Variants in SNX6 observed in about 807,000 individuals in gnomAD.
SNX6 encodes the protein sorting nexin-6.
In SNX6, 34 loss-of-function variants were observed where a neutral mutation model predicts 63.0. The observed-to-expected ratio is 0.54, with a 90% CI of 0.41 to 0.72. The LOEUF (loss-of-function observed/expected upper bound fraction) is 0.72. Among genes scored for constraint, SNX6 ranks in the 30% least tolerant of loss-of-function variants. SNX6 has a pLI of 0.00. For synonymous variants in SNX6, 170 were observed against 164.2 expected (o/e 1.04, Z -0.27); for missense variants, 398 against 471.4 (o/e 0.84, Z 1.44).
At chr14:34,582,956 A>G (rs1260913049) in intron 9 of SNX6, among the ~76,000 whole-genome samples, 1 of 152,060 alleles carries the variant, frequency 6.6e-6, no homozygotes, top group Non-Finnish European at 1.5e-5. Context: ...TCTACTAAAA[A>G]TACAAAAAAT....
chr14:34,569,141 G>A (rs1594692578), intron 11 of SNX6: 2 of 812,048 alleles, frequency 2.5e-6, no homozygotes, highest in East Asian at 2.4e-5. Flanking sequence ...ATGCGGCCCG[G>A]CCTGTGCACT....
At chr14:34,601,219 CTTTTTTTTTTTTTT>C (rs77009422) in intron 6 of SNX6, among the ~76,000 whole-genome samples, 5 of 142,530 alleles carry the variant, frequency 3.5e-5, no homozygotes, top group African/African-American at 8.0e-5. Context: ...AACCCTATTT[CTTTTTTTTTTTTTT>C]TTTTTTTTTT....
intron 7 of SNX6, among the ~76,000 whole-genome samples, chr14:34,594,558 T>C (rs1882526678): frequency 6.6e-6 from 1 of 151,956 alleles, no homozygotes; most frequent in Non-Finnish European, 1.5e-5. Flanking sequence ...TTTGTCATGT[T>C]GTCATGTTGC....
In SNX6 at chr14:34,629,911, C is replaced by A; in HGVS notation, c.50G>T (p.Arg17Leu). 6.4e-7 allele frequency: 1 copy of A among 1,555,524 alleles called. No homozygotes were observed. The highest frequency in any genetic ancestry group is 8.7e-7 in the Non-Finnish European group (1 of 1,150,898). ...CGAAAGGAAGGCAGAACTTACTCCG[C>A]GGTCCTCTTCTGAGAGGAAGTCCGG... ...DGPDFLSEED[R>L]GLKAINVDLQ... The change falls in exon 2 of 14, where the codon CGC becomes CTC. Residue 17 changes from arginine (R) to leucine (L), a missense_variant. Coordinates refer to ENST00000362031, the MANE Select transcript of SNX6 (RefSeq NM_152233.4).
intron 2 of SNX6, 43 bp downstream of exon 2, chr14:34,629,864 G>GGAGGGTC (rs1412638714): frequency 5.2e-6 from 8 of 1,550,284 alleles, no homozygotes; most frequent in Non-Finnish European, 7.0e-6. Flanking sequence ...GGATGGGGAA[G>GGAGGGTC]GAGGGTCCAG....
chr14:34,580,822 T>A (rs1881905429), intron 10 of SNX6, among the ~76,000 whole-genome samples: 1 of 151,784 alleles, frequency 6.6e-6, no homozygotes, highest in South Asian at 2.1e-4. Flanking sequence ...ACCTAGCTAA[T>A]TTTTAAACGT....
chr14:34,624,240 A>C, intron 2 of SNX6, among the ~76,000 whole-genome samples: 1 of 152,054 alleles, frequency 6.6e-6, no homozygotes, highest in Non-Finnish European at 1.5e-5. Flanking sequence ...AGCTGGGATT[A>C]CAGGCACCAG....
chr14:34,608,396 C>G (rs1883101473), intron 3 of SNX6, among the ~76,000 whole-genome samples: 1 of 152,138 alleles, frequency 6.6e-6, no homozygotes, highest in East Asian at 1.9e-4. Flanking sequence ...CTCTTGGACT[C>G]AAGCGATCAT....
At chr14:34,599,220 A>G (rs1021274107) in intron 6 of SNX6, among the ~76,000 whole-genome samples, 2 of 152,306 alleles carry the variant, frequency 1.3e-5, no homozygotes, top group East Asian at 3.9e-4. Context: ...CCTTAACTTT[A>G]TATGTTATAT....
chr14:34,619,706 C>T (rs1235176792), intron 2 of SNX6, among the ~76,000 whole-genome samples: 1 of 152,096 alleles, frequency 6.6e-6, no homozygotes. Context: ...GTAACCTCAT[C>T]AACACCTCCA....
chr14:34,590,169 C>A (rs1469422204), intron 8 of SNX6, among the ~76,000 whole-genome samples: 1 of 151,966 alleles, frequency 6.6e-6, no homozygotes, highest in African/African-American at 2.4e-5. Context: ...TGGCTCATGC[C>A]TGTAATCCCA....
At chr14:34,588,487 G>A (rs1882263631) in intron 8 of SNX6, among the ~76,000 whole-genome samples, 1 of 152,090 alleles carries the variant, frequency 6.6e-6, no homozygotes, top group Non-Finnish European at 1.5e-5. Context: ...CTGAGCTCAA[G>A]CGATCCACCC....
chr14:34,618,387 G>C (rs1027031509), intron 2 of SNX6, among the ~76,000 whole-genome samples: 2 of 151,944 alleles, frequency 1.3e-5, no homozygotes, highest in Non-Finnish European at 2.9e-5. Context: ...GTCTTGCTCT[G>C]TCGCCAAGGC....
At chr14:34,626,595 G>A (rs1883835333) in intron 2 of SNX6, among the ~76,000 whole-genome samples, 1 of 148,560 alleles carries the variant, frequency 6.7e-6, no homozygotes, top group Non-Finnish European at 1.5e-5. Flanking sequence ...CATGAACCCA[G>A]GAGGCAGAGC....
chr14:34,607,410 C>T (rs1211091179), intron 4 of SNX6, among the ~76,000 whole-genome samples: 1 of 151,846 alleles, frequency 6.6e-6, no homozygotes, highest in African/African-American at 2.4e-5. Context: ...AGTTCGAGAC[C>T]AGCCTGGCCA....
chr14:34,575,645 A>G lies in SNX6; in HGVS notation c.921+111T>C, dbSNP rs566994712. 3 of 478,686 alleles carry G rather than the reference A, an allele frequency of 6.3e-6. No individual in the cohort carries two copies. In the East Asian group the frequency reaches 1.1e-4, roughly 18 times the overall value. The allele number at this position is 478,686 out of a possible 1,614,324, so 29.7% of individuals were successfully genotyped here. ...AGAAATAGAATTCATATTTGAAAAT[A>G]TAATTTAAAATCATATAAAGGAGAT... On this transcript the variant is annotated intron_variant, in intron 11 of 13. Coordinates refer to ENST00000362031, the MANE Select transcript of SNX6 (RefSeq NM_152233.4).
chr14:34,590,426 G>A (rs1594719003), intron 8 of SNX6, among the ~76,000 whole-genome samples: 1 of 143,736 alleles, frequency 7.0e-6, no homozygotes. Context: ...GCAAGACTTC[G>A]TCTCAAAAAA....
chr14:34,581,977 C>T (rs775219339), intron 9 of SNX6, among the ~76,000 whole-genome samples: 59 of 151,488 alleles, frequency 3.9e-4, no homozygotes, highest in Non-Finnish European at 7.8e-4. Context: ...TACAGGCGCC[C>T]GCCACCACGC....
intron 2 of SNX6, among the ~76,000 whole-genome samples, chr14:34,616,221 T>A (rs898414246): frequency 6.6e-6 from 1 of 152,196 alleles, no homozygotes. Flanking sequence ...CCCAAAGTGC[T>A]GGGATTACAG....
Sources: gnomAD v4.1 joint callset for allele counts (sites outside exome capture counted in the v4.1 genomes callset) on GRCh38, gnomAD v4.1.1 for gene constraint, MANE v1.5 for transcripts, NCBI Gene and HGNC (gene_info 2026-07-23, HGNC 2026-07-21) for gene names.